Variants in TTC27 observed in about 807,000 individuals in gnomAD.
TTC27 encodes tetratricopeptide repeat domain 27, also known as tetratricopeptide repeat protein 27.
TTC27 carries 79 observed loss-of-function variants against 115.9 expected under a neutral mutation model. The observed-to-expected ratio is 0.68, with a 90% CI of 0.57 to 0.82. The LOEUF (loss-of-function observed/expected upper bound fraction) is 0.82. Ranked by LOEUF, TTC27 falls within the 40% of genes least tolerant of loss-of-function variation. TTC27 has a pLI of 0.00. For missense variants in TTC27, 1,054 were observed against 993.1 expected, an observed-to-expected ratio of 1.06 and a Z score of -0.82; for synonymous variants, 401 against 356.0, an observed-to-expected ratio of 1.13 and a Z score of -1.42.
intron 12 of TTC27, among the ~76,000 whole-genome samples, chr2:32,755,027 G>A (rs1198960595): frequency 4.0e-5 from 6 of 151,826 alleles, no homozygotes; most frequent in African/African-American, 7.3e-5. Context: ...CAGATGGGGC[G>A]GCTGCCGGGT....
intron 8 of TTC27, among the ~76,000 whole-genome samples, chr2:32,676,085 C>G (rs1192204857): frequency 6.6e-6 from 1 of 152,096 alleles, no homozygotes; most frequent in Non-Finnish European, 1.5e-5. Flanking sequence ...AGCCACTGTG[C>G]CTAGCCTGAG....
rs1381483058 is a variant in TTC27 at position 32,682,844 on chromosome 2, GTTGTTTTTT to G, written c.1119+3925_1119+3933del. ...CCACCACACCCGGATAATTTTTATT[GTTGTTTTTT>G]TTTTTTTTTTTTTTTTTGAGACAGA... On this transcript the variant is annotated intron_variant, in intron 9 of 19. Coordinates refer to ENST00000317907, the MANE Select transcript of TTC27 (RefSeq NM_017735.5). Among the ~76,000 whole-genome samples, 16 of 56,986 alleles carry G rather than the reference GTTGTTTTTT, an allele frequency of 2.8e-4. 1 individual carries two copies. Among genetic ancestry groups the G allele is most frequent in the Admixed American group, 1.5e-3 (6 of 3,984 alleles). 37.4% of individuals were successfully genotyped at this position (56,986 alleles called of 152,430 possible). A position where few individuals can be genotyped will look rare whatever the true frequency, so the allele number is the denominator to read the frequency against.
chr2:32,673,576 C>T (rs1381157206), intron 8 of TTC27, among the ~76,000 whole-genome samples: 1 of 152,162 alleles, frequency 6.6e-6, no homozygotes, highest in Non-Finnish European at 1.5e-5. Context: ...TTTTGTTATT[C>T]TCATTGCATC....
At position 32,811,119 on chromosome 2, in the gene TTC27, T is replaced by G. The variant is rs563883018; in HGVS notation, c.2094T>G (p.Phe698Leu). The change falls in exon 17 of 20, where the codon TTT (phenylalanine) becomes TTG (leucine). Residue 698 changes from phenylalanine (F) to leucine (L), a missense_variant. Physicochemically the swap from Phe to Leu is conservative, Grantham distance 22. Transcript: ENST00000317907. ...TCAAAGGAAAGCTGCAGGAGTTATT[T>G]GGCAGAGTGACTTCAAGAGTGACAA... ...TGLKGKLQEL[F>L]GRVTSRVTND... The G allele has an allele frequency of 1.1e-5, 17 of 1,614,204 alleles. No individual in the cohort carries two copies. The Admixed American group carries it at 2.8e-4, about 27-fold the overall frequency.
In TTC27 at chr2:32,801,323, A is replaced by C. The variant is rs541936951; in HGVS notation, c.1999-9701A>C. Among the ~76,000 whole-genome samples, 16 of 152,312 alleles carry C rather than the reference A, an allele frequency of 1.1e-4. 1 individual carries two copies. The South Asian group carries it at 2.9e-3, about 28-fold the overall frequency. ...TCGAAATCAAGGTGTTGACTTGGCC[A>C]TGTTCCTCTGCAGATGCTAGGGAAG... On this transcript the variant is annotated intron_variant, in intron 16 of 19. Coordinates refer to ENST00000317907, the MANE Select transcript of TTC27 (RefSeq NM_017735.5).
intron 5 of TTC27, among the ~76,000 whole-genome samples, chr2:32,661,827 G>A (rs903970372): frequency 2.6e-5 from 4 of 152,174 alleles, no homozygotes; most frequent in Non-Finnish European, 5.9e-5. Flanking sequence ...GGTGAGGGAG[G>A]GCATCCTTGT....
intron 8 of TTC27, among the ~76,000 whole-genome samples, chr2:32,677,550 A>G (rs1393850311): frequency 1.3e-5 from 2 of 152,118 alleles, no homozygotes; most frequent in Admixed American, 1.3e-4. Context: ...CACAAGTTCA[A>G]GCAATCCTCC....
At chr2:32,663,129 AG>A (rs1452793196) in intron 5 of TTC27, among the ~76,000 whole-genome samples, 11 of 152,182 alleles carry the variant, frequency 7.2e-5, no homozygotes, top group Non-Finnish European at 1.5e-4. Context: ...GGGTGGGATC[AG>A]CTGAGCTAGA....
chr2:32,702,950 T>G, intron 10 of TTC27, 30 bp downstream of exon 10: 1 of 1,466,476 alleles, frequency 6.8e-7, no homozygotes, highest in Non-Finnish European at 9.6e-7. Context: ...TTTGTGTGCT[T>G]CTTCCAACTC....
At chr2:32,713,814 A>G (rs1001861875) in intron 10 of TTC27, among the ~76,000 whole-genome samples, 2 of 152,090 alleles carry the variant, frequency 1.3e-5, no homozygotes, top group African/African-American at 4.8e-5. Context: ...GCAAGTTGTT[A>G]AGTAGGTAAA....
chr2:32,790,277 T>C lies in TTC27; in HGVS notation c.1998+3128T>C, dbSNP rs115123355. Among the ~76,000 whole-genome samples, 3 of 151,762 alleles carry C rather than the reference T, an allele frequency of 2.0e-5. No individual in the cohort carries two copies. The East Asian group carries it at 5.8e-4, about 29-fold the overall frequency. ...GTGGATTATTGCCATTAAATTTTTT[T>C]TTTGTGTGTGTGTATAAATTCATGC... On this transcript the variant is annotated intron_variant, in intron 16 of 19. Transcript: ENST00000317907.
At chr2:32,736,571 A>G (rs1668458198) in intron 11 of TTC27, 123 bp from the exon 12 acceptor site, 2 of 1,044,618 alleles carry the variant, frequency 1.9e-6, no homozygotes, top group East Asian at 5.0e-5. Context: ...TACAGATTGT[A>G]GAATTTATAC....
intron 10 of TTC27, among the ~76,000 whole-genome samples, chr2:32,709,833 A>G (rs1667515494): frequency 6.6e-6 from 1 of 152,240 alleles, no homozygotes; most frequent in African/African-American, 2.4e-5. Flanking sequence ...GTTGATTAGC[A>G]TCTTCAATTA....
chr2:32,781,973 A>T (rs1670193591), intron 14 of TTC27, among the ~76,000 whole-genome samples: 2 of 152,212 alleles, frequency 1.3e-5, no homozygotes, highest in Admixed American at 1.3e-4. Context: ...ACTGCCACTT[A>T]ATTTTTGAGT....
intron 9 of TTC27, among the ~76,000 whole-genome samples, chr2:32,683,758 G>C (rs1666526482): frequency 6.6e-6 from 1 of 152,142 alleles, no homozygotes; most frequent in Non-Finnish European, 1.5e-5. Flanking sequence ...TTTCCCTTCA[G>C]ATGAGCCACG....
intron 10 of TTC27, among the ~76,000 whole-genome samples, chr2:32,714,210 G>GT (rs1425736289): frequency 1.3e-5 from 2 of 148,832 alleles, no homozygotes; most frequent in Non-Finnish European, 3.0e-5. Flanking sequence ...CCAGGCTGGA[G>GT]TGCAGTGGTA....
intron 11 of TTC27, among the ~76,000 whole-genome samples, chr2:32,736,043 T>A (rs1297540333): frequency 2.0e-5 from 3 of 152,216 alleles, no homozygotes; most frequent in African/African-American, 7.2e-5. Flanking sequence ...TATTCTGACC[T>A]TACCTACTTT....
intron 10 of TTC27, among the ~76,000 whole-genome samples, chr2:32,706,719 C>A (rs896136869): frequency 6.6e-6 from 1 of 151,932 alleles, no homozygotes; most frequent in African/African-American, 2.4e-5. Context: ...CACGCACCAC[C>A]ATGCCCAGCT....
At chr2:32,801,356 C>G (rs780518123) in intron 16 of TTC27, among the ~76,000 whole-genome samples, 3 of 152,198 alleles carry the variant, frequency 2.0e-5, no homozygotes, top group Non-Finnish European at 4.4e-5. Flanking sequence ...AAGAGTCTTT[C>G]TGCACCTTTT....
Sources: gnomAD v4.1 joint callset for allele counts (sites outside exome capture counted in the v4.1 genomes callset) on GRCh38, gnomAD v4.1.1 for gene constraint, MANE v1.5 for transcripts, NCBI Gene and HGNC (gene_info 2026-07-23, HGNC 2026-07-21) for gene names.